CTTNBP2: variants seen among roughly 807,000 people sequenced by gnomAD.
CTTNBP2 encodes cortactin-binding protein 2.
In CTTNBP2, 108 loss-of-function variants were observed where a neutral mutation model predicts 156.9. That is an observed-to-expected ratio of 0.69 (90% confidence interval 0.59 to 0.81). The LOEUF is 0.81. CTTNBP2 is among the 30% of genes least tolerant of loss of function. CTTNBP2 has a pLI of 0.00. For synonymous variants in CTTNBP2, 767 were observed against 751.8 expected (o/e 1.02, Z -0.33); for missense variants, 1,924 against 2,035.4 (o/e 0.95, Z 1.05).
chr7:117,860,233 A>C (rs1185517197), intron 2 of CTTNBP2, among the ~76,000 whole-genome samples: 1 of 152,230 alleles, frequency 6.6e-6, no homozygotes, highest in Non-Finnish European at 1.5e-5. Context: ...AGAAGGAAAA[A>C]AACAAGCACC....
At chr7:117,817,487 A>T (rs2117007444) in intron 2 of CTTNBP2, among the ~76,000 whole-genome samples, 1 of 149,274 alleles carries the variant, frequency 6.7e-6, no homozygotes, top group East Asian at 2.0e-4. Flanking sequence ...CACATACATG[A>T]GGTTCCTACT....
At chr7:117,818,172 A>G (rs1800733075) in intron 2 of CTTNBP2, among the ~76,000 whole-genome samples, 1 of 152,220 alleles carries the variant, frequency 6.6e-6, no homozygotes, top group Non-Finnish European at 1.5e-5. Flanking sequence ...ATCTAATCAG[A>G]CTTAAACAGT....
At chr7:117,831,007 G>T (rs1194382873) in intron 2 of CTTNBP2, among the ~76,000 whole-genome samples, 1 of 151,808 alleles carries the variant, frequency 6.6e-6, no homozygotes, top group Non-Finnish European at 1.5e-5. Flanking sequence ...ATGAACTTCA[G>T]GGTTAAAGTG....
At chr7:117,799,552 A>T (rs1044490867) in intron 3 of CTTNBP2, among the ~76,000 whole-genome samples, 1 of 152,086 alleles carries the variant, frequency 6.6e-6, no homozygotes, top group Admixed American at 6.5e-5. Context: ...ATTGTACTTA[A>T]TGATGAAACA....
At chr7:117,816,307 C>T (rs1184182556) in intron 2 of CTTNBP2, among the ~76,000 whole-genome samples, 3 of 152,258 alleles carry the variant, frequency 2.0e-5, no homozygotes, top group East Asian at 1.9e-4. Context: ...TATGGTTCAC[C>T]GTGCTTTGTA....
At chr7:117,812,084 A>G (rs1800329751) in intron 2 of CTTNBP2, among the ~76,000 whole-genome samples, 1 of 152,106 alleles carries the variant, frequency 6.6e-6, no homozygotes, top group Non-Finnish European at 1.5e-5. Context: ...GAATCCCAGG[A>G]AAGTATGCAA....
At chr7:117,712,363 A>C (rs145592795) in intron 22 of CTTNBP2, 2 of 152,286 alleles carry the variant, frequency 1.3e-5, no homozygotes, top group Non-Finnish European at 2.9e-5. Flanking sequence ...TACCTGGTCA[A>C]TGTCTCTCAT....
intron 2 of CTTNBP2, among the ~76,000 whole-genome samples, chr7:117,821,054 G>T (rs572304076): frequency 4.3e-4 from 66 of 152,074 alleles, no homozygotes; most frequent in Non-Finnish European, 8.4e-4. Flanking sequence ...TAGTATGTAG[G>T]ACTATAACTG....
chr7:117,825,916 T>C (rs1801247128), intron 2 of CTTNBP2, among the ~76,000 whole-genome samples: 1 of 152,170 alleles, frequency 6.6e-6, no homozygotes. Context: ...GGATGTCTCA[T>C]TAGAGAAATG....
chr7:117,791,652 G>T lies in CTTNBP2; in HGVS notation c.1544C>A (p.Thr515Lys), dbSNP rs1341933648. 1 of 1,614,186 alleles carries T rather than the reference G, an allele frequency of 6.2e-7. No homozygotes were observed. Among genetic ancestry groups the T allele is most frequent in the Non-Finnish European group, 8.5e-7 (1 of 1,180,034 alleles). The part of the protein sequence containing the change: ...GAPSRPGVPP[T>K]GDVGTHPPVG... ...TGGAGGGTGGGTGCCAACATCCCCT[G>T]TTGGGGGCACTCCAGGCCTTGAGGG... The change falls in exon 4 of 23, where the codon ACA becomes AAA. Residue 515 changes from threonine to lysine, a missense_variant. Transcript: ENST00000160373.
chr7:117,795,053 C>T (rs1177268384), intron 3 of CTTNBP2, among the ~76,000 whole-genome samples: 1 of 151,210 alleles, frequency 6.6e-6, no homozygotes, highest in Non-Finnish European at 1.5e-5. Context: ...CGCCACCGCG[C>T]CCGGCTAATT....
At chr7:117,766,952 A>G in intron 9 of CTTNBP2, 107 bp downstream of exon 9, 1 of 715,802 alleles carries the variant, frequency 1.4e-6, no homozygotes, top group East Asian at 2.5e-5. Context: ...TAGGGCTCCA[A>G]AAAGGTTAAA....
chr7:117,798,363 G>A (rs1026172196), intron 3 of CTTNBP2, among the ~76,000 whole-genome samples: 3 of 152,056 alleles, frequency 2.0e-5, no homozygotes, highest in Non-Finnish European at 4.4e-5. Flanking sequence ...AATAGATTTC[G>A]AAAGGCTAAA....
At position 117,711,596 on chromosome 7, in the gene CTTNBP2, AGTT is replaced by A. The variant is rs773966827; in HGVS notation, c.4930_4932del (p.Asn1644del). 55 of 1,613,762 alleles carry A rather than the reference AGTT, an allele frequency of 3.4e-5. No homozygotes were observed. The highest frequency in any genetic ancestry group is 1.7e-4 in the African/African-American group (13 of 74,934). ...TGTAAGTTCCAATTCACTTCTTTTG[AGTT>A]GTTGTTGATTTCTATTTGCCTTGTA... On this transcript the variant is annotated inframe_deletion, in exon 23 of 23. Coordinates refer to ENST00000160373, the MANE Select transcript of CTTNBP2 (RefSeq NM_033427.3).
rs1799068324 is a variant in CTTNBP2 at position 117,792,193 on chromosome 7, G to T, written c.1003C>A (p.Pro335Thr). The change falls in exon 4 of 23, where the codon CCC becomes ACC. Residue 335 changes from proline to threonine, a missense_variant. Coordinates refer to ENST00000160373, the MANE Select transcript of CTTNBP2 (RefSeq NM_033427.3). The surrounding 1 kb of genome is among the most constrained non-coding windows in gnomAD (Gnocchi z 4.2). Reference protein sequence around the residue: ...TMPVKPSTGSPLVSANAKGSV... With the variant: ...TMPVKPSTGSTLVSANAKGSV... Reference sequence around the variant, plus strand: ...CCTTTTGCATTTGCAGAAACTAGGGGACTCCCTGTGGAAGGTTTTACAGGC... The same window carrying T: ...CCTTTTGCATTTGCAGAAACTAGGGTACTCCCTGTGGAAGGTTTTACAGGC... 1 of 1,614,042 alleles carries T rather than the reference G, an allele frequency of 6.2e-7. No homozygotes were observed. The highest frequency in any genetic ancestry group is 2.2e-5 in the East Asian group (1 of 44,886).
intron 3 of CTTNBP2, chr7:117,793,519 A>G (rs1187740114): frequency 6.6e-6 from 1 of 152,558 alleles, no homozygotes; most frequent in Non-Finnish European, 1.5e-5. Context: ...TTCTCTCTGC[A>G]TGGGATTCCC....
In CTTNBP2 at chr7:117,791,899, C is replaced by T; in HGVS notation, c.1297G>A (p.Ala433Thr). ...PPMHSLHSPC[A>T]NTSLHPGLNP... ...AGACCTGGATGCAAAGAGGTGTTGGCACATGGTGAATGTAAACTGTGCATA... is the reference window on the plus strand; with the variant it reads ...AGACCTGGATGCAAAGAGGTGTTGGTACATGGTGAATGTAAACTGTGCATA... The change falls in exon 4 of 23, where the codon GCC becomes ACC. Residue 433 changes from alanine (A) to threonine (T), a missense_variant. By Grantham distance (58) the Ala-to-Thr change is moderately conservative. Transcript: ENST00000160373. 1 of 1,614,120 alleles carries T rather than the reference C, an allele frequency of 6.2e-7. No homozygotes were observed. The highest frequency in any genetic ancestry group is 8.5e-7 in the Non-Finnish European group (1 of 1,180,038).
At chr7:117,777,318 A>T (rs1283488198) in intron 8 of CTTNBP2, among the ~76,000 whole-genome samples, 193 bp downstream of exon 8, 1 of 152,236 alleles carries the variant, frequency 6.6e-6, no homozygotes, top group Non-Finnish European at 1.5e-5. Context: ...GATTTTTATT[A>T]AAAGTCTCTT....
Position 117,817,368 on chromosome 7 carries a change from A to ATATATATATATATATATATATG in CTTNBP2, c.190-6380_190-6379insCATATATATATATATATATATA, listed in dbSNP as rs1563037801. 3.8e-4 allele frequency among the ~76,000 whole-genome samples: 42 copies of ATATATATATATATATATATATG among 111,020 alleles called. 1 individual carries two copies. Among genetic ancestry groups the ATATATATATATATATATATATG allele is most frequent in the African/African-American group, 1.4e-3 (41 of 30,266 alleles). 72.8% of individuals were successfully genotyped at this position (111,020 alleles called of 152,430 possible). On this transcript the variant is annotated intron_variant, in intron 2 of 22. Transcript: ENST00000160373. ...AAAAAAAAAAAAAAAAAAAATATAT[A>ATATATATATATATATATATATG]TATATATATATATATATATAATTTC...
Sources: allele counts gnomAD v4.1 joint callset (sites outside exome capture counted in the v4.1 genomes callset), GRCh38; gene constraint gnomAD v4.1.1; non-coding constraint Gnocchi (gnomAD v3.1); transcripts MANE v1.5; gene names NCBI Gene and HGNC (gene_info 2026-07-23, HGNC 2026-07-21).